TMCO6: variants seen among roughly 807,000 people sequenced by gnomAD.
TMCO6 encodes transmembrane and coiled-coil domain-containing protein 6.
In TMCO6, 47 loss-of-function variants were observed where a neutral mutation model predicts 61.8. The ratio of observed to expected loss-of-function variants is 0.76; its 90% confidence interval spans 0.60 to 0.97. The LOEUF (loss-of-function observed/expected upper bound fraction) is 0.97. Ranked by LOEUF, TMCO6 falls within the 50% of genes least tolerant of loss-of-function variation. The pLI is 0.00. For synonymous variants in TMCO6, 261 were observed against 254.2 expected, an observed-to-expected ratio of 1.03 and a Z score of -0.25; for missense variants, 557 against 601.6, an observed-to-expected ratio of 0.93 and a Z score of 0.78.
chr5:140,626,897 A>G, the TMCO6 span, among the ~76,000 whole-genome samples: 2 of 152,116 alleles, frequency 1.3e-5, no homozygotes, highest in African/African-American at 4.8e-5. Context: ...AGAAAACTCT[A>G]TTGTGCTTTT....
chr5:140,601,358 A>G, the TMCO6 span, among the ~76,000 whole-genome samples: 4 of 152,156 alleles, frequency 2.6e-5, no homozygotes, highest in Admixed American at 6.5e-5. Flanking sequence ...ATCAATCCTT[A>G]TACTGATTTG....
chr5:140,625,376 A>G, the TMCO6 span, among the ~76,000 whole-genome samples: 1 of 152,156 alleles, frequency 6.6e-6, no homozygotes, highest in African/African-American at 2.4e-5. Flanking sequence ...GCCACTTGCT[A>G]TCTCTCTGAT....
Position 140,645,068 on chromosome 5 carries a change from T to C in TMCO6, c.1452T>C (p.Tyr484=). 6.2e-7 allele frequency: 1 copy of C among 1,614,244 alleles called. No homozygotes were observed. Among genetic ancestry groups the C allele is most frequent in the Non-Finnish European group, 8.5e-7 (1 of 1,180,032 alleles). ...AGGCCCAGCTCCAGGATCGTGTGTATGCTCTCCAGCAGACAGCTCTTCAAG... is the reference window on the plus strand; with the variant it reads ...AGGCCCAGCTCCAGGATCGTGTGTACGCTCTCCAGCAGACAGCTCTTCAAG... ...QEEAQLQDRV[Y]ALQQTALQG Residue 484 remains tyrosine, a synonymous_variant, in exon 12 of 12, where the codon TAT becomes TAC. Transcript: ENST00000394671.
chr5:140,629,394 A>G, the TMCO6 span, among the ~76,000 whole-genome samples: 1 of 152,212 alleles, frequency 6.6e-6, no homozygotes, highest in Non-Finnish European at 1.5e-5. Flanking sequence ...TCATCTCTAG[A>G]TTACTTATAA....
At position 140,645,130 on chromosome 5, in the gene TMCO6, C is replaced by G. The variant is rs750178546; in HGVS notation, c.*32C>G. ...TTCTCAATGTCACTCATTCCCCTCT[C>G]TCTTAACATCAAGCTTGTTTGTCCA... On this transcript the variant is annotated 3_prime_UTR_variant, in exon 12 of 12. Coordinates refer to ENST00000394671, the MANE Select transcript of TMCO6 (RefSeq NM_018502.5). The G allele has an allele frequency of 1.3e-6, 2 of 1,596,058 alleles. No individual in the cohort carries two copies. Among genetic ancestry groups the G allele is most frequent in the Non-Finnish European group, 1.7e-6 (2 of 1,164,146 alleles).
chr5:140,645,349 G>C lies in TMCO6; in HGVS notation c.*251G>C. On this transcript the variant is annotated 3_prime_UTR_variant, in exon 12 of 12. Transcript: ENST00000394671. ...TGCCCCCCCGCCACCCTTCATGTTTGCTTCAGCAGCTGGTAGCTTTTGATG... is the reference window on the plus strand; with the variant it reads ...TGCCCCCCCGCCACCCTTCATGTTTCCTTCAGCAGCTGGTAGCTTTTGATG... 1 of 748,654 alleles carries C rather than the reference G, an allele frequency of 1.3e-6. No individual in the cohort carries two copies. Among genetic ancestry groups the C allele is most frequent in the Non-Finnish European group, 2.3e-6 (1 of 431,580 alleles). 46.4% of individuals were successfully genotyped at this position (748,654 alleles called of 1,614,324 possible).
At chr5:140,614,273 T>C in the TMCO6 span, among the ~76,000 whole-genome samples, 2 of 151,562 alleles carry the variant, frequency 1.3e-5, no homozygotes, top group East Asian at 3.9e-4. Context: ...CTTTGGGAGG[T>C]TGAGGAGGGC....
the TMCO6 span, among the ~76,000 whole-genome samples, chr5:140,603,500 A>T: frequency 2.0e-5 from 3 of 151,836 alleles, no homozygotes; most frequent in Non-Finnish European, 4.4e-5. Flanking sequence ...TAGAAACAGG[A>T]TTACACCATG....
intron 3 of TMCO6, 29 bp downstream of exon 3, chr5:140,641,809 G>A (rs767877447): frequency 6.2e-7 from 1 of 1,614,152 alleles, no homozygotes; most frequent in South Asian, 1.1e-5. Flanking sequence ...GTGGAGGGAG[G>A]AGTTGGGGCT....
At chr5:140,643,232 A>G in intron 7 of TMCO6, 191 bp downstream of exon 7, 1 of 805,820 alleles carries the variant, frequency 1.2e-6, no homozygotes. Flanking sequence ...TCACTCTGTC[A>G]CCCAGGCTGG....
chr5:140,642,203 T>A, intron 4 of TMCO6, 112 bp from the exon 5 acceptor site: 1 of 1,387,794 alleles, frequency 7.2e-7, no homozygotes, highest in Non-Finnish European at 9.9e-7. Flanking sequence ...CACCCTCTTG[T>A]GAGCCGCAAG....
At chr5:140,613,328 G>T in the TMCO6 span, among the ~76,000 whole-genome samples, 1 of 146,844 alleles carries the variant, frequency 6.8e-6, no homozygotes, top group Non-Finnish European at 1.5e-5. Flanking sequence ...GGCAGAGGTT[G>T]CAGTGAGCCG....
the TMCO6 span, chr5:140,633,824 C>G: frequency 7.7e-6 from 1 of 129,854 alleles, no homozygotes; most frequent in Non-Finnish European, 1.6e-5. Flanking sequence ...GAGTCTTGCT[C>G]TGTTGCTCAG....
rs1242269696 is a variant in TMCO6, at chr5:140,645,314, C to G, written c.*216C>G. 1 of 721,022 alleles carries G rather than the reference C, an allele frequency of 1.4e-6. No individual in the cohort carries two copies. The highest frequency in any genetic ancestry group is 1.6e-5 in the South Asian group (1 of 63,966). 44.7% of individuals were successfully genotyped at this position (721,022 alleles called of 1,614,324 possible). ...AGTGTGGTCTACTTACTCTGGGGCC[C>G]TAGAATCCCTGCCCCCCCGCCACCC... On this transcript the variant is annotated 3_prime_UTR_variant, in exon 12 of 12. Coordinates refer to ENST00000394671, the MANE Select transcript of TMCO6 (RefSeq NM_018502.5).
chr5:140,611,647 G>A, the TMCO6 span, among the ~76,000 whole-genome samples: 4 of 152,144 alleles, frequency 2.6e-5, no homozygotes, highest in African/African-American at 7.2e-5. Context: ...AATTGGTCAT[G>A]GTGCATAATT....
At position 140,645,140 on chromosome 5, in the gene TMCO6, C is replaced by G. The variant is rs1374826306; in HGVS notation, c.*42C>G. On this transcript the variant is annotated 3_prime_UTR_variant, in exon 12 of 12. Coordinates refer to ENST00000394671, the MANE Select transcript of TMCO6 (RefSeq NM_018502.5). ...CACTCATTCCCCTCTCTCTTAACAT[C>G]AAGCTTGTTTGTCCAGTAGAGCCTT... The G allele has an allele frequency of 1.3e-6, 2 of 1,587,718 alleles. No homozygotes were observed. The highest frequency in any genetic ancestry group is 2.2e-5 in the East Asian group (1 of 44,742).
At chr5:140,636,038 G>A (rs1340711788), upstream of TMCO6, among the ~76,000 whole-genome samples, 4 of 152,108 alleles carry the variant, frequency 2.6e-5, no homozygotes, top group Admixed American at 2.6e-4. Context: ...CACTCTTGTT[G>A]CCCAGGCTGG....
rs142951190 is a variant in TMCO6, at chr5:140,639,554, C to T, written c.27C>T (p.Leu9=). ...TGTGGAGCCGACGGCAGGGCCGCCT[C>T]AGGCCCACGGTCTGCGGGGTGGAGG... MWSRRQGR[L]RPTVCGVEEL... is the part of the protein sequence containing the mutation. Residue 9 remains leucine (L), a synonymous_variant, in exon 1 of 12, where the codon CTC becomes CTT. Transcript: ENST00000394671. 2 of 1,549,690 alleles carry T rather than the reference C, an allele frequency of 1.3e-6. No individual in the cohort carries two copies. Among genetic ancestry groups the T allele is most frequent in the Admixed American group, 3.9e-5 (2 of 50,766 alleles).
In TMCO6 at chr5:140,639,855, A is replaced by AG. The variant is rs1184938056; in HGVS notation, c.198+9dup. On this transcript the variant is annotated splice_donor_region_variant and intron_variant, in intron 2 of 11. Transcript: ENST00000394671. ...TGCGATCCTCGGGGAAACCGAGGTG[A>AG]GGGGGCAAGGTAGGGTGCGCTGGAG... 1 of 1,597,750 alleles carries AG rather than the reference A, an allele frequency of 6.3e-7. No individual in the cohort carries two copies.
Sources: allele counts gnomAD v4.1 joint callset (sites outside exome capture counted in the v4.1 genomes callset), GRCh38; gene constraint gnomAD v4.1.1; transcripts MANE v1.5; gene names NCBI Gene and HGNC (gene_info 2026-07-23, HGNC 2026-07-21).